The following PIEZO2 variants were observed in gnomAD, a reference collection of about 807,000 sequenced individuals.
The protein encoded by PIEZO2 is piezo type mechanosensitive ion channel component 2.
Under a neutral mutation model 337.3 loss-of-function variants are expected in PIEZO2, and 172 were observed. The ratio of observed to expected loss-of-function variants is 0.51; its 90% CI spans 0.45 to 0.58. PIEZO2 has a LOEUF of 0.58. PIEZO2 is among the 20% of genes least tolerant of loss of function. The probability of loss-of-function intolerance (pLI) is 0.00; values close to 1 mark genes in which losing one functional copy is unlikely to be tolerated. For synonymous variants in PIEZO2, 1,251 were observed against 1,228.5 expected (o/e 1.02, Z -0.38); for missense variants, 3,028 against 3,391.3 (o/e 0.89, Z 2.66).
At chr18:10,717,604 C>A (rs930213306) in intron 37 of PIEZO2, among the ~76,000 whole-genome samples, 3 of 152,122 alleles carry the variant, frequency 2.0e-5, no homozygotes, top group South Asian at 2.1e-4. Flanking sequence ...TTTCTTCCTG[C>A]ATAAAGATAC....
chr18:10,807,337 T>G, intron 7 of PIEZO2, 63 bp from the exon 8 acceptor site: 1 of 1,429,562 alleles, frequency 7.0e-7, no homozygotes, highest in Non-Finnish European at 9.4e-7. Flanking sequence ...CAACATTGAA[T>G]AAAAGTACTT....
chr18:10,704,245 T>C, intron 42 of PIEZO2, 149 bp downstream of exon 42: 1 of 1,095,622 alleles, frequency 9.1e-7, no homozygotes, highest in Non-Finnish European at 1.3e-6. Flanking sequence ...GATTTGTGTA[T>C]CTAAGAATGT....
chr18:11,095,310 T>G (rs916077592), intron 1 of PIEZO2, among the ~76,000 whole-genome samples: 1 of 152,192 alleles, frequency 6.6e-6, no homozygotes, highest in Admixed American at 6.5e-5. Flanking sequence ...AATACTCCCT[T>G]TCTTGCCATG....
rs1268044236 is a variant in PIEZO2 at position 10,979,148 on chromosome 18, A to G, written c.286+387T>C. ...TAATGTCATAGTCATGTAATTTCAT[A>G]TAATATTATTCAACTTTTATATTCT... On this transcript the variant is annotated intron_variant, in intron 3 of 55. Transcript: ENST00000674853. This position sits in a 1 kb window ranked among gnomAD's most constrained non-coding sequence, Gnocchi z 4.0. Among the ~76,000 whole-genome samples the G allele has an allele frequency of 6.6e-6, 1 of 152,038 alleles. No homozygotes were observed. The highest frequency in any genetic ancestry group is 2.4e-5 in the African/African-American group (1 of 41,414).
intron 1 of PIEZO2, among the ~76,000 whole-genome samples, chr18:11,093,383 A>G (rs2146053271): frequency 6.6e-6 from 1 of 152,246 alleles, no homozygotes; most frequent in East Asian, 1.9e-4. Flanking sequence ...ATAACAATAT[A>G]ATTTTTCCAT....
chr18:10,934,125 C>T (rs905374880), intron 3 of PIEZO2, among the ~76,000 whole-genome samples: 6 of 152,224 alleles, frequency 3.9e-5, no homozygotes, highest in Non-Finnish European at 7.3e-5. Flanking sequence ...TTCAGTCTAT[C>T]AAAATATTTC....
At chr18:10,841,520 C>T (rs1258481163) in intron 7 of PIEZO2, among the ~76,000 whole-genome samples, 1 of 152,076 alleles carries the variant, frequency 6.6e-6, no homozygotes, top group Non-Finnish European at 1.5e-5. Flanking sequence ...ATTTGGAGGC[C>T]AGAAGGCAGT....
chr18:11,135,362 A>G (rs1568404641), intron 1 of PIEZO2, among the ~76,000 whole-genome samples: 1 of 152,226 alleles, frequency 6.6e-6, no homozygotes, highest in African/African-American at 2.4e-5. Flanking sequence ...GGAATGTACA[A>G]GATCTCACTG....
At chr18:10,922,471 A>G (rs1191999172) in intron 3 of PIEZO2, among the ~76,000 whole-genome samples, 2 of 152,102 alleles carry the variant, frequency 1.3e-5, no homozygotes, top group African/African-American at 4.8e-5. Flanking sequence ...TTAGTGCAAG[A>G]CCCATGGGAG....
chr18:10,709,145 T>G (rs1251733981), intron 39 of PIEZO2: 2 of 152,236 alleles, frequency 1.3e-5, no homozygotes, highest in East Asian at 3.9e-4. Flanking sequence ...GTCTGTTAAC[T>G]TTTCATTTTG....
At chr18:10,827,056 A>G (rs74828319) in intron 7 of PIEZO2, among the ~76,000 whole-genome samples, 2,965 of 152,326 alleles carry the variant, frequency 0.019, 44 homozygotes, top group South Asian at 0.047. Context: ...ATGCATAGAT[A>G]TATAGAAAAT....
Position 11,047,516 on chromosome 18 carries a change from C to T in PIEZO2, c.160+18611G>A, listed in dbSNP as rs1343201067. On this transcript the variant is annotated intron_variant, in intron 2 of 55. Coordinates refer to ENST00000674853, the MANE Select transcript of PIEZO2 (RefSeq NM_001378183.1). The surrounding 1 kb of genome is among the most constrained non-coding windows in gnomAD (Gnocchi z 7.2). The stretch of plus-strand genomic sequence containing the variant: ...AAATTCCACTCTTGGAAATGAGAGC[C>T]ACATCCACAACAAAGAGGAGGCAAA... 1.3e-5 allele frequency among the ~76,000 whole-genome samples: 2 copies of T among 152,162 alleles called. No homozygotes were observed. Among genetic ancestry groups the T allele is most frequent in the Non-Finnish European group, 2.9e-5 (2 of 68,040 alleles).
At chr18:10,918,100 C>T (rs1008937881) in intron 3 of PIEZO2, among the ~76,000 whole-genome samples, 19 of 152,140 alleles carry the variant, frequency 1.2e-4, no homozygotes, top group African/African-American at 4.6e-4. Context: ...CCAGAAATGG[C>T]TGCTCTAATG....
rs60738029 is a variant in PIEZO2, at chr18:10,830,482, T to C, written c.918-23208A>G. Among the ~76,000 whole-genome samples the C allele has an allele frequency of 6.6e-6, 1 of 151,740 alleles. No individual in the cohort carries two copies. Among genetic ancestry groups the C allele is most frequent in the Non-Finnish European group, 1.5e-5 (1 of 67,952 alleles). ...CCCCCTTTTATGCCTCTGGTTGCAC[T>C]TGAATAAAACTAGACCTCTATTTCT... On this transcript the variant is annotated intron_variant, in intron 7 of 55. Coordinates refer to ENST00000674853, the MANE Select transcript of PIEZO2 (RefSeq NM_001378183.1). The surrounding 1 kb of genome is among the most constrained non-coding windows in gnomAD (Gnocchi z 4.7).
chr18:10,843,877 C>T (rs1180655837), intron 7 of PIEZO2, among the ~76,000 whole-genome samples: 1 of 152,224 alleles, frequency 6.6e-6, no homozygotes, highest in Non-Finnish European at 1.5e-5. Context: ...ACAGATGTCC[C>T]TCATGCAGGC....
intron 33 of PIEZO2, chr18:10,740,104 CA>C (rs1420217324): frequency 6.9e-6 from 1 of 143,944 alleles, no homozygotes; most frequent in East Asian, 2.1e-4. Flanking sequence ...CTGAAGACGA[CA>C]TTATACGTAA....
At chr18:10,829,609 A>G (rs2040782621) in intron 7 of PIEZO2, among the ~76,000 whole-genome samples, 1 of 152,164 alleles carries the variant, frequency 6.6e-6, no homozygotes, top group South Asian at 2.1e-4. Flanking sequence ...AACTTACAGA[A>G]TATAAAAATC....
intron 3 of PIEZO2, among the ~76,000 whole-genome samples, chr18:10,932,623 A>G (rs973949947): frequency 2.6e-5 from 4 of 152,094 alleles, no homozygotes; most frequent in African/African-American, 9.7e-5. Flanking sequence ...AAGTTTTAGG[A>G]AGGAAAAGAA....
At chr18:11,061,550 C>A (rs1236340322) in intron 2 of PIEZO2, among the ~76,000 whole-genome samples, 6 of 152,302 alleles carry the variant, frequency 3.9e-5, no homozygotes, top group East Asian at 1.9e-4. Flanking sequence ...TAGGCAACTT[C>A]AGCAAAGTCT....
Sources: allele counts gnomAD v4.1 joint callset (sites outside exome capture counted in the v4.1 genomes callset), GRCh38; gene constraint gnomAD v4.1.1; non-coding constraint Gnocchi (gnomAD v3.1); transcripts MANE v1.5; gene names NCBI Gene and HGNC (gene_info 2026-07-23, HGNC 2026-07-21).